CERS4: variants seen among roughly 807,000 people sequenced by gnomAD.
CERS4 encodes the protein LAG1 homolog, ceramide synthase 4.
In CERS4, 65 loss-of-function variants were observed where a neutral mutation model predicts 51.8. That is an observed-to-expected ratio of 1.26 (90% CI 1.03 to 1.54). The LOEUF is 1.54. CERS4 is among the 40% of genes most tolerant of loss of function. The pLI, the probability that CERS4 is intolerant of heterozygous loss-of-function variation, is 0.00. For synonymous variants in CERS4, 228 were observed against 208.4 expected, an observed-to-expected ratio of 1.09 and a Z score of -0.81; for missense variants, 563 against 500.4, an observed-to-expected ratio of 1.13 and a Z score of -1.19.
Position 8,256,727 on chromosome 19 carries a change from G to A in CERS4, c.612+17G>A. The stretch of plus-strand genomic sequence containing the variant: ...AAGCGCAAGGTGAGGCCAAATAAGA[G>A]TCTGGAAGACCCAGTCTCTGGCCGG... On this transcript the variant is annotated intron_variant, in intron 8 of 11. Transcript: ENST00000251363. The A allele has an allele frequency of 6.2e-7, 1 of 1,609,286 alleles. No individual in the cohort carries two copies. Among genetic ancestry groups the A allele is most frequent in the Non-Finnish European group, 8.5e-7 (1 of 1,177,806 alleles).
intron 2 of CERS4, among the ~76,000 whole-genome samples, chr19:8,249,413 C>G (rs542299063): frequency 6.6e-6 from 1 of 151,938 alleles, no homozygotes; most frequent in South Asian, 2.1e-4. Context: ...GGCTGGGACA[C>G]GCTGGCCGGA....
chr19:8,255,823 T>G lies in CERS4; in HGVS notation c.412T>G (p.Trp138Gly), dbSNP rs1969348607. ...QLTKKFCEAS[W>G]RFLFYLSSFV... Reference sequence around the variant, plus strand: ...TCACAGCTCCCTCCCCATCCACAGCTGGAGGTTTCTCTTCTACCTGTCCTC... The same window carrying G: ...TCACAGCTCCCTCCCCATCCACAGCGGGAGGTTTCTCTTCTACCTGTCCTC... The change falls in exon 6 of 12, where the codon TGG becomes GGG. Residue 138 changes from tryptophan to glycine, a missense_variant and splice_region_variant. Coordinates refer to ENST00000251363, the MANE Select transcript of CERS4 (RefSeq NM_024552.3). The G allele has an allele frequency of 6.2e-7, 1 of 1,613,962 alleles. No homozygotes were observed. The highest frequency in any genetic ancestry group is 8.5e-7 in the Non-Finnish European group (1 of 1,180,000).
At chr19:8,215,131 T>C (rs1967245131) in intron 2 of CERS4, among the ~76,000 whole-genome samples, 1 of 151,466 alleles carries the variant, frequency 6.6e-6, no homozygotes, top group Admixed American at 6.6e-5. Flanking sequence ...GGGGGAGCCC[T>C]AGGGATGCAG....
Position 8,251,239 on chromosome 19 carries a change from G to C in CERS4, c.163G>C (p.Ala55Pro). 1 of 1,602,800 alleles carries C rather than the reference G, an allele frequency of 6.2e-7. No individual in the cohort carries two copies. The highest frequency in any genetic ancestry group is 8.5e-7 in the Non-Finnish European group (1 of 1,174,758). ...LALVLLAMRLAFERFIGLPLS... is the reference protein window; with the variant it reads ...LALVLLAMRLPFERFIGLPLS... ...GCTGGTCCTCCTGGCCATGCGCCTT[G>C]CCTTTGAGAGGTGAGTGTCTGCCCT... Residue 55 changes from alanine to proline, a missense_variant, in exon 3 of 12, where the codon GCC becomes CCC. By Grantham distance (27) the Ala-to-Pro change is conservative. Coordinates refer to ENST00000251363, the MANE Select transcript of CERS4 (RefSeq NM_024552.3).
intron 3 of CERS4, among the ~76,000 whole-genome samples, chr19:8,253,457 T>TC (rs1324223355): frequency 2.7e-5 from 4 of 147,642 alleles, no homozygotes; most frequent in African/African-American, 2.5e-5. Flanking sequence ...GCCTTTTTTT[T>TC]TTTTTTTTTT....
At chr19:8,256,361 A>C in intron 7 of CERS4, 75 bp downstream of exon 7, 1 of 1,513,794 alleles carries the variant, frequency 6.6e-7, no homozygotes, top group Non-Finnish European at 9.1e-7. Flanking sequence ...TGGGCATGGG[A>C]CCCGAACCCT....
In CERS4 at chr19:8,255,947, G is replaced by T. The variant is rs142769693; in HGVS notation, c.468+68G>T. The T allele has an allele frequency of 8.4e-6, 13 of 1,540,870 alleles. No homozygotes were observed. In the Middle Eastern group the frequency reaches 5.0e-4, roughly 60 times the overall value. On this transcript the variant is annotated intron_variant, in intron 6 of 11. Transcript: ENST00000251363. ...CACCTGGCCTAGATCTGGCAGGAGTGGGGGTGTGGAGTGGTGCAGCCAGAG... is the reference window on the plus strand; with the variant it reads ...CACCTGGCCTAGATCTGGCAGGAGTTGGGGTGTGGAGTGGTGCAGCCAGAG...
At chr19:8,231,851 A>T (rs1459059793) in intron 2 of CERS4, among the ~76,000 whole-genome samples, 21 of 104,402 alleles carry the variant, frequency 2.0e-4, no homozygotes, top group African/African-American at 4.6e-4. Flanking sequence ...TGTGCCCAGC[A>T]TTTTTTTTTT....
intron 2 of CERS4, among the ~76,000 whole-genome samples, chr19:8,236,150 G>A (rs548286704): frequency 1.3e-4 from 20 of 152,132 alleles, no homozygotes; most frequent in African/African-American, 4.6e-4. Flanking sequence ...AGCCGAGATC[G>A]CGCCACTGCA....
Position 8,234,263 on chromosome 19 carries a change from G to A in CERS4, c.-1-16813G>A, listed in dbSNP as rs59416947. On this transcript the variant is annotated intron_variant, in intron 2 of 11. Transcript: ENST00000251363. Reference sequence around the variant, plus strand: ...AGAGCTTGCAGTGAACTGAGATTGCGCCACTGCACTCCAGCCTGGGCGACA... The same window carrying A: ...AGAGCTTGCAGTGAACTGAGATTGCACCACTGCACTCCAGCCTGGGCGACA... Among the ~76,000 whole-genome samples, 607 of 151,540 alleles carry A rather than the reference G, an allele frequency of 4.0e-3. 5 individuals are homozygous for A. Among genetic ancestry groups the A allele is most frequent in the African/African-American group, 0.013 (544 of 41,314 alleles).
chr19:8,224,539 C>CAG (rs1402382616), intron 2 of CERS4, among the ~76,000 whole-genome samples: 2 of 152,026 alleles, frequency 1.3e-5, no homozygotes, highest in African/African-American at 4.8e-5. Flanking sequence ...GTCTGTTGAA[C>CAG]AGAGTCGTGA....
At chr19:8,228,275 G>T (rs1232759174) in intron 2 of CERS4, among the ~76,000 whole-genome samples, 1 of 152,156 alleles carries the variant, frequency 6.6e-6, no homozygotes, top group Admixed American at 6.6e-5. Flanking sequence ...GAGCTGGATG[G>T]TGGTTATGGT....
rs527480139 is a variant in CERS4 at position 8,261,758 on chromosome 19, G to C, written c.919G>C (p.Gly307Arg). 3 of 1,614,000 alleles carry C rather than the reference G, an allele frequency of 1.9e-6. No individual in the cohort carries two copies. Among genetic ancestry groups the C allele is most frequent in the Admixed American group, 3.3e-5 (2 of 59,978 alleles). ...GPFFGYYFFN[G>R]LLMLLQLLHV... is the part of the protein sequence containing the mutation. ...CTTCTTCGGCTACTACTTCTTCAAC[G>C]GGCTTCTGATGTTGCTGCAGCTGCT... is the stretch of plus-strand genomic sequence containing the variant. Residue 307 changes from glycine (G) to arginine (R), a missense_variant, in exon 11 of 12, where the codon GGG becomes CGG. Gly to Arg is a moderately radical substitution (Grantham distance 125). Coordinates refer to ENST00000251363, the MANE Select transcript of CERS4 (RefSeq NM_024552.3).
intron 2 of CERS4, among the ~76,000 whole-genome samples, chr19:8,237,322 C>T (rs934288781): frequency 6.6e-6 from 1 of 151,606 alleles, no homozygotes; most frequent in African/African-American, 2.4e-5. Flanking sequence ...GAGGCGGAGG[C>T]GGGCAGACCA....
intron 2 of CERS4, among the ~76,000 whole-genome samples, chr19:8,229,188 G>A (rs1967907387): frequency 6.6e-6 from 1 of 151,626 alleles, no homozygotes; most frequent in Non-Finnish European, 1.5e-5. Context: ...AGCTAGGCAA[G>A]GTAGTGCACA....
At chr19:8,254,445 A>T (rs368734848) in intron 3 of CERS4, 54 bp from the exon 4 acceptor site, 9 of 1,538,674 alleles carry the variant, frequency 5.8e-6, no homozygotes, top group Non-Finnish European at 7.2e-6. Context: ...CCCCACACAC[A>T]GGCAGTCCCA....
intron 2 of CERS4, among the ~76,000 whole-genome samples, chr19:8,248,848 C>A (rs1031510686): frequency 1.9e-4 from 17 of 90,784 alleles, no homozygotes; most frequent in Non-Finnish European, 2.8e-4. Flanking sequence ...GTGGACAGAT[C>A]TTTGGATGGG....
intron 9 of CERS4, 188 bp downstream of exon 9, chr19:8,257,265 C>G (rs1373455205): frequency 1.6e-6 from 1 of 625,458 alleles, no homozygotes; most frequent in East Asian, 3.1e-5. Context: ...CTCTGTCTTC[C>G]TGGGTGATGA....
At chr19:8,248,579 T>C (rs1968893029) in intron 2 of CERS4, among the ~76,000 whole-genome samples, 1 of 150,068 alleles carries the variant, frequency 6.7e-6, no homozygotes, top group Non-Finnish European at 1.5e-5. Context: ...GACAGATGGA[T>C]GATGGATGGA....
Sources: allele counts gnomAD v4.1 joint callset (sites outside exome capture counted in the v4.1 genomes callset), GRCh38; gene constraint gnomAD v4.1.1; transcripts MANE v1.5; gene names NCBI Gene and HGNC (gene_info 2026-07-23, HGNC 2026-07-21).